The following C8orf34 variants were observed in gnomAD, a reference collection of about 807,000 sequenced individuals.
The protein encoded by C8orf34 is chromosome 8 open reading frame 34, also known as uncharacterized protein C8orf34.
A neutral mutation model predicts 68.3 loss-of-function variants in C8orf34; 65 were observed. The ratio of observed to expected loss-of-function variants is 0.95; its 90% CI spans 0.78 to 1.17. C8orf34 has a LOEUF of 1.17. C8orf34 is among the 50% of genes most tolerant of loss of function. C8orf34 has a pLI of 0.00. For missense variants in C8orf34, 664 were observed against 655.4 expected (o/e 1.01, Z -0.14); for synonymous variants, 244 against 241.2 (o/e 1.01, Z -0.11).
chr8:68,727,312 G>A (rs1821859591), intron 10 of C8orf34, among the ~76,000 whole-genome samples: 1 of 152,198 alleles, frequency 6.6e-6, no homozygotes, highest in East Asian at 1.9e-4. Context: ...ACTGATGCAA[G>A]AGGTGGGTTC....
At chr8:68,801,973 T>A (rs1007049411) in intron 12 of C8orf34, among the ~76,000 whole-genome samples, 2 of 152,098 alleles carry the variant, frequency 1.3e-5, no homozygotes, top group African/African-American at 4.8e-5. Context: ...CCTGAGATCA[T>A]CTATACAATC....
At chr8:68,463,900 T>C (rs554349642) in intron 3 of C8orf34, among the ~76,000 whole-genome samples, 14 of 152,192 alleles carry the variant, frequency 9.2e-5, no homozygotes, top group East Asian at 1.9e-4. Flanking sequence ...GATGCCCTCT[T>C]TCACTACTCC....
chr8:68,580,919 T>C (rs958848696), intron 7 of C8orf34, among the ~76,000 whole-genome samples: 5 of 152,232 alleles, frequency 3.3e-5, no homozygotes, highest in African/African-American at 1.2e-4. Context: ...GAACCCATCA[T>C]GGTAGATTAC....
chr8:68,641,249 G>A (rs1319517313), intron 8 of C8orf34, among the ~76,000 whole-genome samples: 1 of 152,206 alleles, frequency 6.6e-6, no homozygotes, highest in Non-Finnish European at 1.5e-5. Flanking sequence ...CTATTGTAGT[G>A]TTTGAGAGGA....
intron 10 of C8orf34, among the ~76,000 whole-genome samples, chr8:68,757,153 TA>T (rs1031057617): frequency 6.6e-6 from 1 of 152,128 alleles, no homozygotes; most frequent in Non-Finnish European, 1.5e-5. Flanking sequence ...AAAAATTATT[TA>T]TTTTTTTTTT....
intron 7 of C8orf34, among the ~76,000 whole-genome samples, chr8:68,627,216 C>G (rs573408313): frequency 1.2e-4 from 18 of 152,250 alleles, no homozygotes; most frequent in African/African-American, 4.1e-4. Context: ...TTCTGCCTGA[C>G]TTTCCTCACT....
intron 10 of C8orf34, among the ~76,000 whole-genome samples, chr8:68,745,066 T>C (rs1822441014): frequency 6.6e-6 from 1 of 151,228 alleles, no homozygotes; most frequent in African/African-American, 2.4e-5. Context: ...CAGAAGAGAG[T>C]GGGGGCCAAT....
chr8:68,747,737 G>T lies in C8orf34; in HGVS notation c.1404+26300G>T, dbSNP rs946195577. ...ACCACTGCTCAAGGAAATAAAAGAGGATACAAACAAATGGAAGAACATTCC... is the reference window on the plus strand; with the variant it reads ...ACCACTGCTCAAGGAAATAAAAGAGTATACAAACAAATGGAAGAACATTCC... On this transcript the variant is annotated intron_variant, in intron 10 of 13. Coordinates refer to ENST00000518698, the MANE Select transcript of C8orf34 (RefSeq NM_052958.4). 2.2e-3 allele frequency among the ~76,000 whole-genome samples: 330 copies of T among 151,960 alleles called. 1 individual carries two copies. The highest frequency in any genetic ancestry group is 3.0e-3 in the Non-Finnish European group (202 of 67,940).
intron 7 of C8orf34, among the ~76,000 whole-genome samples, chr8:68,552,760 AGTT>A (rs1392098126): frequency 1.3e-5 from 2 of 151,928 alleles, no homozygotes; most frequent in African/African-American, 2.4e-5. Flanking sequence ...TAGTTTGTTA[AGTT>A]GTTGTTGAAT....
intron 12 of C8orf34, among the ~76,000 whole-genome samples, chr8:68,811,169 T>C (rs1824639728): frequency 6.6e-6 from 1 of 152,138 alleles, no homozygotes; most frequent in South Asian, 2.1e-4. Flanking sequence ...GTGCTCAAAA[T>C]CTGGAGGGGG....
At chr8:68,609,436 C>T (rs562961569) in intron 7 of C8orf34, among the ~76,000 whole-genome samples, 1 of 152,104 alleles carries the variant, frequency 6.6e-6, no homozygotes, top group South Asian at 2.1e-4. Context: ...TGAAGAATCT[C>T]GAAATGAACT....
chr8:68,673,024 A>T (rs1412363711), intron 8 of C8orf34, among the ~76,000 whole-genome samples: 1 of 152,150 alleles, frequency 6.6e-6, no homozygotes, highest in Non-Finnish European at 1.5e-5. Context: ...CCCTGGGACC[A>T]GGAGAGAACT....
At chr8:68,348,588 T>A (rs1350980914) in intron 1 of C8orf34, among the ~76,000 whole-genome samples, 1 of 152,116 alleles carries the variant, frequency 6.6e-6, no homozygotes, top group African/African-American at 2.4e-5. Flanking sequence ...ATTCTTCCTA[T>A]CCATGAGCAT....
At chr8:68,352,726 A>T (rs927102238) in intron 1 of C8orf34, among the ~76,000 whole-genome samples, 1 of 152,152 alleles carries the variant, frequency 6.6e-6, no homozygotes, top group Non-Finnish European at 1.5e-5. Flanking sequence ...AGTGAAAAAG[A>T]ACTCTTTAAA....
chr8:68,468,165 A>T (rs1246232932), intron 3 of C8orf34, among the ~76,000 whole-genome samples: 1 of 151,958 alleles, frequency 6.6e-6, no homozygotes, highest in Non-Finnish European at 1.5e-5. Context: ...TCTTCTCTCA[A>T]AATATATTGC....
At chr8:68,747,857 A>C (rs1822557395) in intron 10 of C8orf34, among the ~76,000 whole-genome samples, 1 of 152,032 alleles carries the variant, frequency 6.6e-6, no homozygotes, top group African/African-American at 2.4e-5. Context: ...GCTACCAATG[A>C]CTTTCTTCAC....
At chr8:68,572,851 G>A (rs1816797081) in intron 7 of C8orf34, among the ~76,000 whole-genome samples, 1 of 152,174 alleles carries the variant, frequency 6.6e-6, no homozygotes, top group Non-Finnish European at 1.5e-5. Context: ...AAATCATTAT[G>A]GATAATGATA....
chr8:68,481,852 G>A (rs1812874537), intron 4 of C8orf34, among the ~76,000 whole-genome samples: 1 of 152,194 alleles, frequency 6.6e-6, no homozygotes, highest in Admixed American at 6.5e-5. Context: ...ATGTAGAAGG[G>A]ACTTGCCTTG....
chr8:68,426,518 C>CAAAAAAAAAAA (rs753578060), intron 1 of C8orf34, among the ~76,000 whole-genome samples: 10 of 29,622 alleles, frequency 3.4e-4, no homozygotes, highest in South Asian at 1.5e-3. Flanking sequence ...GACCTTGTCT[C>CAAAAAAAAAAA]AAAAAAAAAA....
Sources: gnomAD v4.1 joint callset for allele counts (sites outside exome capture counted in the v4.1 genomes callset) on GRCh38, gnomAD v4.1.1 for gene constraint, MANE v1.5 for transcripts, NCBI Gene and HGNC (gene_info 2026-07-23, HGNC 2026-07-21) for gene names.